WWP1: variants seen among roughly 807,000 people sequenced by gnomAD.
WWP1 encodes WW domain containing E3 ubiquitin protein ligase 1.
WWP1 carries 49 observed loss-of-function variants against 130.6 expected under a neutral mutation model. That is an observed-to-expected ratio of 0.38 (90% CI 0.30 to 0.48). The LOEUF is 0.48. Ranked by LOEUF, WWP1 falls within the 20% of genes least tolerant of loss-of-function variation. The pLI is 0.99. For missense variants in WWP1, 809 were observed against 1,100.6 expected, an observed-to-expected ratio of 0.74 and a Z score of 3.75; for synonymous variants, 332 against 367.8, an observed-to-expected ratio of 0.90 and a Z score of 1.11.
At chr8:86,401,505 A>T (rs751579168) in intron 7 of WWP1, among the ~76,000 whole-genome samples, 52 of 151,460 alleles carry the variant, frequency 3.4e-4, no homozygotes, top group Non-Finnish European at 5.7e-4. Flanking sequence ...AGCTGCAGTG[A>T]GCCACTGCAC....
intron 20 of WWP1, among the ~76,000 whole-genome samples, chr8:86,449,698 C>CTACTA: frequency 6.6e-6 from 1 of 152,178 alleles, no homozygotes; most frequent in Non-Finnish European, 1.5e-5. Flanking sequence ...CTACTGATGT[C>CTACTA]TTCTATGAAT....
At chr8:86,380,117 T>C (rs1824897730) in intron 3 of WWP1, among the ~76,000 whole-genome samples, 2 of 152,184 alleles carry the variant, frequency 1.3e-5, no homozygotes, top group Non-Finnish European at 2.9e-5. Flanking sequence ...CATATATTTA[T>C]CAGTTAATAG....
intron 10 of WWP1, 104 bp from the exon 11 acceptor site, chr8:86,427,538 AT>A (rs1326058796): frequency 1.7e-6 from 2 of 1,210,166 alleles, no homozygotes. Flanking sequence ...TGTTTTAGTT[AT>A]TTTAACATGT....
chr8:86,435,851 G>C, intron 16 of WWP1, 147 bp downstream of exon 16: 1 of 714,052 alleles, frequency 1.4e-6, no homozygotes, highest in Non-Finnish European at 2.3e-6. Context: ...GAGTGCCTTT[G>C]TTTTGTTTTG....
chr8:86,366,978 A>G lies in WWP1; in HGVS notation c.-114-1961A>G, dbSNP rs376911353. On this transcript the variant is annotated intron_variant, in intron 1 of 24. Coordinates refer to ENST00000517970, the MANE Select transcript of WWP1 (RefSeq NM_007013.4). ...TTATTTTATGCTTTGGAGTTGCTCT[A>G]TTGAGGGGGGAGACTGCATGGTTCA... 3.9e-5 allele frequency among the ~76,000 whole-genome samples: 6 copies of G among 152,266 alleles called. No homozygotes were observed. The East Asian group carries it at 5.8e-4, about 15-fold the overall frequency.
At chr8:86,454,660 CAGAG>C (rs1811343612) in intron 21 of WWP1, among the ~76,000 whole-genome samples, 1 of 151,994 alleles carries the variant, frequency 6.6e-6, no homozygotes, top group African/African-American at 2.4e-5. Context: ...GAGGTGCACT[CAGAG>C]AGGGATGTTA....
intron 9 of WWP1, among the ~76,000 whole-genome samples, chr8:86,414,372 C>T (rs1808759561): frequency 6.6e-6 from 1 of 151,964 alleles, no homozygotes; most frequent in Non-Finnish European, 1.5e-5. Flanking sequence ...GCCACTAATC[C>T]AGGGGAGAAA....
chr8:86,342,809 G>A lies in WWP1; in HGVS notation c.-236G>A. The stretch of plus-strand genomic sequence containing the variant: ...TGCCGGGGCCGACGCCTGGGTGGCT[G>A]CTGCCGCCGCGCCTGCTGCGAGATG... On this transcript the variant is annotated 5_prime_UTR_variant, in exon 1 of 25. Coordinates refer to ENST00000517970, the MANE Select transcript of WWP1 (RefSeq NM_007013.4). 1 of 369,074 alleles carries A rather than the reference G, an allele frequency of 2.7e-6. No homozygotes were observed. Among genetic ancestry groups the A allele is most frequent in the Non-Finnish European group, 4.8e-6 (1 of 206,856 alleles). 22.9% of individuals were successfully genotyped at this position (369,074 alleles called of 1,614,324 possible).
At chr8:86,350,551 C>A (rs1358213391) in intron 1 of WWP1, among the ~76,000 whole-genome samples, 1 of 151,970 alleles carries the variant, frequency 6.6e-6, no homozygotes, top group Non-Finnish European at 1.5e-5. Context: ...ATTGGATGTA[C>A]TGAGAAACAT....
Position 86,468,370 on chromosome 8 carries a change from T to C in WWP1, c.*1477T>C, listed in dbSNP as rs1812282343. On this transcript the variant is annotated 3_prime_UTR_variant, in exon 25 of 25. Transcript: ENST00000517970. ...AAAGAAAGGCAGAGATCTGCTTGGTTGAATAGACTCCTTTTCCAAATCCTT... is the reference window on the plus strand; with the variant it reads ...AAAGAAAGGCAGAGATCTGCTTGGTCGAATAGACTCCTTTTCCAAATCCTT... 2.2e-6 allele frequency: 1 copy of C among 453,772 alleles called. No homozygotes were observed. The highest frequency in any genetic ancestry group is 4.4e-6 in the Non-Finnish European group (1 of 226,494). 28.1% of individuals were successfully genotyped at this position (453,772 alleles called of 1,614,324 possible).
intron 1 of WWP1, among the ~76,000 whole-genome samples, chr8:86,362,023 T>C (rs1302058430): frequency 6.0e-5 from 7 of 116,162 alleles, no homozygotes; most frequent in South Asian, 5.5e-4. Flanking sequence ...TATATACACA[T>C]ATATATACAC....
At chr8:86,430,196 C>G (rs1325931422) in intron 11 of WWP1, among the ~76,000 whole-genome samples, 1 of 152,050 alleles carries the variant, frequency 6.6e-6, no homozygotes, top group Non-Finnish European at 1.5e-5. Flanking sequence ...GCAGGAAGAT[C>G]CTGTCTCAAA....
At chr8:86,461,191 T>G in intron 22 of WWP1, 33 bp from the exon 23 acceptor site, 4 of 1,553,542 alleles carry the variant, frequency 2.6e-6, no homozygotes, top group Non-Finnish European at 3.6e-6. Flanking sequence ...TAGTTTAGCA[T>G]TTCATATTAA....
At chr8:86,431,811 T>G in intron 14 of WWP1, 68 bp downstream of exon 14, 1 of 1,584,464 alleles carries the variant, frequency 6.3e-7, no homozygotes. Context: ...GTCTCTAATT[T>G]ATCCTCAAGT....
chr8:86,383,975 A>G (rs1825135678), intron 5 of WWP1, among the ~76,000 whole-genome samples: 1 of 152,198 alleles, frequency 6.6e-6, no homozygotes, highest in Non-Finnish European at 1.5e-5. Context: ...TCACATATCC[A>G]GAGGCTGGAA....
At chr8:86,379,242 G>A (rs1406100060) in intron 3 of WWP1, among the ~76,000 whole-genome samples, 1 of 152,112 alleles carries the variant, frequency 6.6e-6, no homozygotes, top group African/African-American at 2.4e-5. Context: ...GAACGATGAA[G>A]GATGGAAATG....
intron 22 of WWP1, among the ~76,000 whole-genome samples, chr8:86,460,871 G>A (rs1051143696): frequency 1.1e-4 from 14 of 129,888 alleles, no homozygotes; most frequent in African/African-American, 3.8e-4. Context: ...GTGCAGTGGC[G>A]TGATCTTGGC....
intron 1 of WWP1, among the ~76,000 whole-genome samples, chr8:86,358,728 C>T (rs1448022194): frequency 6.6e-6 from 1 of 151,870 alleles, no homozygotes; most frequent in Non-Finnish European, 1.5e-5. Context: ...AGGCTGGTCT[C>T]GAACTCCTGG....
chr8:86,411,416 T>G, intron 8 of WWP1, 122 bp from the exon 9 acceptor site: 1 of 740,840 alleles, frequency 1.3e-6, no homozygotes, highest in Non-Finnish European at 2.1e-6. Context: ...TGTCTGCTGT[T>G]TGGAGAATGG....
Sources: allele counts gnomAD v4.1 joint callset (sites outside exome capture counted in the v4.1 genomes callset), GRCh38; gene constraint gnomAD v4.1.1; transcripts MANE v1.5; gene names NCBI Gene and HGNC (gene_info 2026-07-23, HGNC 2026-07-21).